Variants in SLFN11 observed in about 807,000 individuals in gnomAD.
SLFN11 encodes the protein schlafen family member 11.
In SLFN11, 43 loss-of-function variants were observed where a neutral mutation model predicts 53.4. That is an observed-to-expected ratio of 0.80 (90% confidence interval 0.63 to 1.04). SLFN11 has a LOEUF of 1.04. Among genes scored for constraint, SLFN11 ranks in the 50% least tolerant of loss-of-function variants. The pLI, the probability that SLFN11 is intolerant of heterozygous loss-of-function variation, is 0.00. For missense variants in SLFN11, 990 were observed against 1,079.1 expected, an observed-to-expected ratio of 0.92 and a Z score of 1.16; for synonymous variants, 389 against 394.7, an observed-to-expected ratio of 0.99 and a Z score of 0.17.
At chr17:35,370,139 A>G (rs11655092) in intron 1 of SLFN11, among the ~76,000 whole-genome samples, 40,842 of 152,002 alleles carry the variant, frequency 0.27, 5,805 homozygotes, top group Non-Finnish European at 0.32. Context: ...TATCATGACT[A>G]AGTGCTATTT....
chr17:35,357,267 GGT>G (rs1337917801), intron 5 of SLFN11, among the ~76,000 whole-genome samples: 2 of 151,326 alleles, frequency 1.3e-5, no homozygotes, highest in Non-Finnish European at 2.9e-5. Context: ...TTTTTCTACT[GGT>G]CATGGTCATT....
chr17:35,360,142 G>T (rs1908016427), intron 5 of SLFN11, 101 bp downstream of exon 5: 2 of 1,259,188 alleles, frequency 1.6e-6, no homozygotes, highest in Admixed American at 2.2e-5. Flanking sequence ...AAATGGGTTT[G>T]CAGAGCACTT....
intron 5 of SLFN11, among the ~76,000 whole-genome samples, chr17:35,356,206 GTCAA>G (rs1267948437): frequency 1.1e-4 from 16 of 152,058 alleles, no homozygotes; most frequent in Admixed American, 1.0e-3. Flanking sequence ...CCAAATTATT[GTCAA>G]TCAATGCTAA....
chr17:35,366,230 C>T (rs138652361), intron 3 of SLFN11, among the ~76,000 whole-genome samples: 142 of 151,502 alleles, frequency 9.4e-4, no homozygotes, highest in Middle Eastern at 3.4e-3. Flanking sequence ...TTGATAGGAA[C>T]GAAGTAAAAA....
intron 3 of SLFN11, among the ~76,000 whole-genome samples, 182 bp from the exon 4 acceptor site, chr17:35,364,008 TA>T (rs1397733416): frequency 6.6e-6 from 1 of 152,068 alleles, no homozygotes; most frequent in Admixed American, 6.5e-5. Context: ...TTTAACATCA[TA>T]TATGATATGG....
intron 5 of SLFN11, among the ~76,000 whole-genome samples, chr17:35,357,078 A>C (rs573511701): frequency 1.2e-4 from 18 of 151,500 alleles, no homozygotes; most frequent in Non-Finnish European, 2.2e-4. Flanking sequence ...GCATCTTTTC[A>C]AATGTTTCAA....
intron 1 of SLFN11, among the ~76,000 whole-genome samples, chr17:35,370,048 C>T (rs973898247): frequency 2.0e-5 from 3 of 151,998 alleles, no homozygotes; most frequent in East Asian, 1.9e-4. Context: ...ACCAAAGACA[C>T]ATCAAAGAAA....
Position 35,353,648 on chromosome 17 carries a change from G to C in SLFN11, c.1610C>G (p.Ala537Gly). Residue 537 changes from alanine (A) to glycine (G), a missense_variant, in exon 6 of 7, where the codon GCG becomes GGG. Physicochemically the swap from Ala to Gly is moderately conservative, Grantham distance 60. This residue lies in a region of SLFN11 where 156 missense variants were observed against 241.9 expected (regional missense o/e 0.64). Transcript: ENST00000685675. ...CTGGGTGCCTGCAAGGCTATAGGAC[G>C]CAGGGTAATCCATCGGAGACACTGC... ...EAAVSPMDYP[A>G]SYSLAGTQHM... 8.7e-7 allele frequency: 1 copy of C among 1,147,874 alleles called. No homozygotes were observed. The highest frequency in any genetic ancestry group is 1.2e-6 in the Non-Finnish European group (1 of 843,174). The allele number at this position is 1,147,874 out of a possible 1,614,324, so 71.1% of individuals were successfully genotyped here. A position where few individuals can be genotyped will look rare whatever the true frequency, so the allele number is the denominator to read the frequency against.
chr17:35,357,255 A>AT (rs915506543), intron 5 of SLFN11, among the ~76,000 whole-genome samples: 1 of 150,456 alleles, frequency 6.6e-6, no homozygotes, highest in African/African-American at 2.4e-5. Flanking sequence ...GGTTGCAAAT[A>AT]TTTTTTCTAC....
At chr17:35,357,968 G>A (rs1468435506) in intron 5 of SLFN11, among the ~76,000 whole-genome samples, 1 of 144,826 alleles carries the variant, frequency 6.9e-6, no homozygotes, top group Non-Finnish European at 1.5e-5. Flanking sequence ...TTGTTTTTCA[G>A]GTTTTAATTT....
intron 6 of SLFN11, 58 bp downstream of exon 6, chr17:35,353,278 C>G: frequency 6.2e-7 from 1 of 1,610,478 alleles, no homozygotes. Flanking sequence ...GGTGACTTAG[C>G]AGAAAAAATT....
chr17:35,365,536 C>T (rs1908858277), intron 3 of SLFN11, among the ~76,000 whole-genome samples: 1 of 152,106 alleles, frequency 6.6e-6, no homozygotes, highest in African/African-American at 2.4e-5. Flanking sequence ...TCAAGCAATC[C>T]TCCTGCCTTG....
In SLFN11 at chr17:35,373,286, G is replaced by T. The variant is rs1183180169; in HGVS notation, c.-235+188C>A. 2.9e-4 allele frequency among the ~76,000 whole-genome samples: 7 copies of T among 23,876 alleles called. No individual in the cohort carries two copies. In the South Asian group the frequency reaches 3.9e-3, roughly 13 times the overall value. The allele number at this position is 23,876 out of a possible 152,430, so 15.7% of individuals were successfully genotyped here. A position where few individuals can be genotyped will look rare whatever the true frequency, so the allele number is the denominator to read the frequency against. ...CCCATTACCCACCCCCGCCCCGCCC[G>T]CCAGTCCTCCATAGTCCGCTTTTTA... On this transcript the variant is annotated intron_variant, in intron 1 of 6. Coordinates refer to ENST00000685675, the MANE Select transcript of SLFN11 (RefSeq NM_001376007.1).
At chr17:35,360,816 G>C (rs1908111558) in intron 4 of SLFN11, among the ~76,000 whole-genome samples, 1 of 151,970 alleles carries the variant, frequency 6.6e-6, no homozygotes, top group Admixed American at 6.5e-5. Context: ...TTAAAAAATA[G>C]CTTAGGGCTT....
chr17:35,363,919 A>G (rs145383317), intron 3 of SLFN11, 93 bp from the exon 4 acceptor site: 11 of 994,304 alleles, frequency 1.1e-5, no homozygotes, highest in Middle Eastern at 5.4e-4. Context: ...AAGACAATAG[A>G]CTAGCAAGCA....
intron 5 of SLFN11, among the ~76,000 whole-genome samples, chr17:35,355,517 GC>G (rs1349701991): frequency 6.6e-6 from 1 of 152,048 alleles, no homozygotes; most frequent in South Asian, 2.1e-4. Flanking sequence ...TTTTTGCCCT[GC>G]CCTGCAAGTC....
chr17:35,360,444 G>T, intron 4 of SLFN11, 73 bp from the exon 5 acceptor site: 4 of 1,356,508 alleles, frequency 2.9e-6, no homozygotes, highest in Non-Finnish European at 4.0e-6. Flanking sequence ...TCAGTAGGTG[G>T]AATGTGTGAC....
rs544549078 is a variant in SLFN11 at position 35,373,589 on chromosome 17, G to T, written c.-350C>A. The T allele has an allele frequency of 6.6e-6, 1 of 152,088 alleles. No individual in the cohort carries two copies. The highest frequency in any genetic ancestry group is 2.1e-4 in the South Asian group (1 of 4,824). 9.4% of individuals were successfully genotyped at this position (152,088 alleles called of 1,614,324 possible). The stretch of plus-strand genomic sequence containing the variant: ...GCAAGGACCCTCTCTGACCTCTCAA[G>T]CTCCAGCGCTTCCGAAGCCCCCTTA... On this transcript the variant is annotated 5_prime_UTR_variant, in exon 1 of 7. Coordinates refer to ENST00000685675, the MANE Select transcript of SLFN11 (RefSeq NM_001376007.1).
In SLFN11 at chr17:35,363,765, G is replaced by A. The variant is rs774335910; in HGVS notation, c.43C>T (p.Pro15Ser). The A allele has an allele frequency of 1.9e-6, 3 of 1,601,776 alleles. No individual in the cohort carries two copies. The highest frequency in any genetic ancestry group is 4.5e-5 in the East Asian group (2 of 44,858). Residue 15 changes from proline (P) to serine (S), a missense_variant, in exon 4 of 7, where the codon CCA becomes TCA. Physicochemically the swap from Pro to Ser is moderately conservative, Grantham distance 74. Coordinates refer to ENST00000685675, the MANE Select transcript of SLFN11 (RefSeq NM_001376007.1). ...TCTCCTACATTGATGACCAGGTCTG[G>A]GTAAGATGGTTCCACAACCAGGGGG... The part of the protein sequence containing the change: ...QCPLVVEPSY[P>S]DLVINVGEVT...
Sources: allele counts gnomAD v4.1 joint callset (sites outside exome capture counted in the v4.1 genomes callset), GRCh38; gene constraint gnomAD v4.1.1; regional missense constraint gnomAD v4.1.1; transcripts MANE v1.5; gene names NCBI Gene and HGNC (gene_info 2026-07-23, HGNC 2026-07-21).